Variants in TTYH1 observed in about 807,000 individuals in gnomAD.
TTYH1 encodes the protein protein tweety homolog 1.
TTYH1 carries 33 observed loss-of-function variants against 61.2 expected under a neutral mutation model. The observed-to-expected ratio is 0.54, with a 90% CI of 0.41 to 0.72. The LOEUF is 0.72. Among genes scored for constraint, TTYH1 ranks in the 30% least tolerant of loss-of-function variants. The pLI is 0.00. For missense variants in TTYH1, 538 were observed against 575.8 expected (o/e 0.93, Z 0.67); for synonymous variants, 308 against 266.4 (o/e 1.16, Z -1.52).
rs2083385247 is a variant in TTYH1, at chr19:54,429,227, T to C, written c.735-80T>C. The C allele has an allele frequency of 1.1e-5, 14 of 1,321,564 alleles. No homozygotes were observed. The highest frequency in any genetic ancestry group is 3.7e-4 in the Middle Eastern group (2 of 5,358). 81.9% of individuals were successfully genotyped at this position (1,321,564 alleles called of 1,614,324 possible). A position where few individuals can be genotyped will look rare whatever the true frequency, so the allele number is the denominator to read the frequency against. ...GAGGTGGGTGGAGGTGGGGGGCGGC[T>C]GTGATGGGATTTGGGGTGTGGAAAG... On this transcript the variant is annotated intron_variant, in intron 5 of 13. Coordinates refer to ENST00000376530, the MANE Select transcript of TTYH1 (RefSeq NM_020659.4). The surrounding 1 kb of genome is among the most constrained non-coding windows in gnomAD (Gnocchi z 5.1).
chr19:54,424,150 G>T (rs1242274053), intron 4 of TTYH1, among the ~76,000 whole-genome samples: 1 of 150,704 alleles, frequency 6.6e-6, no homozygotes, highest in African/African-American at 2.4e-5. Context: ...GACGGAGCGA[G>T]AATCCGTCTT....
At position 54,420,272 on chromosome 19, in the gene TTYH1, G is replaced by C. The variant is rs191926575; in HGVS notation, c.305+966G>C. 6.6e-6 allele frequency among the ~76,000 whole-genome samples: 1 copy of C among 150,846 alleles called. No individual in the cohort carries two copies. Among genetic ancestry groups the C allele is most frequent in the African/African-American group, 2.5e-5 (1 of 40,154 alleles). On this transcript the variant is annotated intron_variant, in intron 2 of 13. Transcript: ENST00000376530. This position sits in a 1 kb window ranked among gnomAD's most constrained non-coding sequence, Gnocchi z 4.8. ...CAGACGCCTGCCCCGGACCCACAGC[G>C]GGCAAGGGGAGGGACCTGTAGGGGT...
At chr19:54,427,620 A>ACAACAAC (rs776200949) in intron 5 of TTYH1, among the ~76,000 whole-genome samples, 3 of 147,770 alleles carry the variant, frequency 2.0e-5, no homozygotes, top group African/African-American at 5.0e-5. Context: ...AACAACAACA[A>ACAACAAC]AAAAAAAAAA....
intron 8 of TTYH1, 38 bp downstream of exon 8, chr19:54,430,643 G>A: frequency 7.7e-7 from 1 of 1,304,054 alleles, no homozygotes; most frequent in Non-Finnish European, 1.1e-6. Flanking sequence ...TGTTGAGGGA[G>A]CCAGAAATCT....
At position 54,415,691 on chromosome 19, in the gene TTYH1, G is replaced by T; in HGVS notation, c.126+13G>T. On this transcript the variant is annotated intron_variant, in intron 1 of 13. Transcript: ENST00000376530. This position sits in a 1 kb window ranked among gnomAD's most constrained non-coding sequence, Gnocchi z 5.2. Reference sequence around the variant, plus strand: ...GGAATACCAGCAGGTGGGACCGGGCGCCAGGGCCTGGGGGCCAGGGCTGGG... The same window carrying T: ...GGAATACCAGCAGGTGGGACCGGGCTCCAGGGCCTGGGGGCCAGGGCTGGG... 1 of 1,537,932 alleles carries T rather than the reference G, an allele frequency of 6.5e-7. No homozygotes were observed. Among genetic ancestry groups the T allele is most frequent in the East Asian group, 2.4e-5 (1 of 40,922 alleles).
At position 54,429,904 on chromosome 19, in the gene TTYH1, A is replaced by G. The variant is rs754871648; in HGVS notation, c.830A>G (p.Asn277Ser). The change falls in exon 7 of 14, where the codon AAT (asparagine) becomes AGT (serine). Residue 277 changes from asparagine (N) to serine (S), a missense_variant. Around this residue, in one of 3 missense-constraint regions of TTYH1, gnomAD observed 378 missense variants for 401.2 expected, o/e 0.94. Coordinates refer to ENST00000376530, the MANE Select transcript of TTYH1 (RefSeq NM_020659.4). This position sits in a 1 kb window ranked among gnomAD's most constrained non-coding sequence, Gnocchi z 5.1. ...CAGGGCCTCAGTGACTTCTGCTCCAATCCAGACCCTTATGTTCTGAACCTG... is the reference window on the plus strand; with the variant it reads ...CAGGGCCTCAGTGACTTCTGCTCCAGTCCAGACCCTTATGTTCTGAACCTG... ...TAVGLSDFCS[N>S]PDPYVLNLTQ... 8 of 1,613,980 alleles carry G rather than the reference A, an allele frequency of 5.0e-6. No homozygotes were observed. Among genetic ancestry groups the G allele is most frequent in the South Asian group, 4.4e-5 (4 of 91,090 alleles).
intron 4 of TTYH1, among the ~76,000 whole-genome samples, chr19:54,422,928 C>CAAAAAAAAAAAAAAA (rs573699988): frequency 1.2e-5 from 1 of 85,376 alleles, no homozygotes; most frequent in Non-Finnish European, 2.2e-5. Context: ...GACTCCATCT[C>CAAAAAAAAAAAAAAA]AAAAAAAAAA....
Position 54,419,053 on chromosome 19 carries a change from A to T in TTYH1, c.127-75A>T, listed in dbSNP as rs551650434. On this transcript the variant is annotated intron_variant, in intron 1 of 13. Transcript: ENST00000376530. The surrounding 1 kb of genome is among the most constrained non-coding windows in gnomAD (Gnocchi z 6.1). ...CTGACATCCCAGACCCCGACCCCCC[A>T]GCCACGCAGGAAGGGGGATCTGAGT... 6.9e-7 allele frequency: 1 copy of T among 1,442,574 alleles called. No homozygotes were observed. Among genetic ancestry groups the T allele is most frequent in the African/African-American group, 1.4e-5 (1 of 70,800 alleles). 89.4% of individuals were successfully genotyped at this position (1,442,574 alleles called of 1,614,324 possible). A position where few individuals can be genotyped will look rare whatever the true frequency, so the allele number is the denominator to read the frequency against.
In TTYH1 at chr19:54,435,655, G is replaced by A; in HGVS notation, c.1239G>A (p.Leu413=). ...AGALATALCS[L]PRAWALFPPS... is the part of the protein sequence containing the mutation. ...CGCTGGCCACTGCCCTCTGCAGCCT[G>A]CCCCGAGCCTGGGCCCTCTTCCCAC... Residue 413 remains leucine, a synonymous_variant, in exon 11 of 14, where the codon CTG becomes CTA. Transcript: ENST00000376530. 2 of 1,611,168 alleles carry A rather than the reference G, an allele frequency of 1.2e-6. No individual in the cohort carries two copies. Among genetic ancestry groups the A allele is most frequent in the Non-Finnish European group, 1.7e-6 (2 of 1,178,984 alleles).
Position 54,415,952 on chromosome 19 carries a change from C to A in TTYH1, c.126+274C>A. On this transcript the variant is annotated intron_variant, in intron 1 of 13. Coordinates refer to ENST00000376530, the MANE Select transcript of TTYH1 (RefSeq NM_020659.4). The surrounding 1 kb of genome is among the most constrained non-coding windows in gnomAD (Gnocchi z 5.2). ...GTTCATGGAGAGGAGGGGAGGGGGG[C>A]CCGGATTCCCGGGTGTCTGATACCT... 9.3e-7 allele frequency: 1 copy of A among 1,072,096 alleles called. No homozygotes were observed. The highest frequency in any genetic ancestry group is 1.3e-6 in the Non-Finnish European group (1 of 757,802). 66.4% of individuals were successfully genotyped at this position (1,072,096 alleles called of 1,614,324 possible).
Position 54,435,630 on chromosome 19 carries a change from C to T in TTYH1, c.1214C>T (p.Ala405Val), listed in dbSNP as rs763707314. 9 of 1,612,064 alleles carry T rather than the reference C, an allele frequency of 5.6e-6. No homozygotes were observed. Among genetic ancestry groups the T allele is most frequent in the South Asian group, 4.4e-5 (4 of 90,984 alleles). The change falls in exon 11 of 14, where the codon GCG (alanine) becomes GTG (valine). Residue 405 changes from alanine (A) to valine (V), a missense_variant. Physicochemically the swap from Ala to Val is moderately conservative, Grantham distance 64. Coordinates refer to ENST00000376530, the MANE Select transcript of TTYH1 (RefSeq NM_020659.4). ...CTCTTCTCCCTGCTGTCTGCAGGAGCGCTGGCCACTGCCCTCTGCAGCCTG... is the reference window on the plus strand; with the variant it reads ...CTCTTCTCCCTGCTGTCTGCAGGAGTGCTGGCCACTGCCCTCTGCAGCCTG... Reference protein sequence around the residue: ...LLLFSLLSAGALATALCSLPR... With the variant: ...LLLFSLLSAGVLATALCSLPR...
Position 54,420,943 on chromosome 19 carries a change from A to G in TTYH1, c.306-334A>G, listed in dbSNP as rs1264776482. 3 of 411,600 alleles carry G rather than the reference A, an allele frequency of 7.3e-6. No homozygotes were observed. The highest frequency in any genetic ancestry group is 4.8e-6 in the Non-Finnish European group (1 of 209,318). The allele number at this position is 411,600 out of a possible 1,614,324, so 25.5% of individuals were successfully genotyped here. Reference sequence around the variant, plus strand: ...GGGTGTGGGGCAGGCAGTCCTAGGGAGGGGAAGACGGCCCATCCCGGAGCT... The same window carrying G: ...GGGTGTGGGGCAGGCAGTCCTAGGGGGGGGAAGACGGCCCATCCCGGAGCT... On this transcript the variant is annotated intron_variant, in intron 2 of 13. Coordinates refer to ENST00000376530, the MANE Select transcript of TTYH1 (RefSeq NM_020659.4). The surrounding 1 kb of genome is among the most constrained non-coding windows in gnomAD (Gnocchi z 4.8).
Position 54,436,381 on chromosome 19 carries a change from G to A in TTYH1, c.*91G>A. On this transcript the variant is annotated 3_prime_UTR_variant, in exon 14 of 14. Transcript: ENST00000376530. The surrounding 1 kb of genome is among the most constrained non-coding windows in gnomAD (Gnocchi z 4.3). Reference sequence around the variant, plus strand: ...GACCCCACTAACCCAGCCTGCCTGGGCTCTGACCACTAACACTCTTGGCCA... The same window carrying A: ...GACCCCACTAACCCAGCCTGCCTGGACTCTGACCACTAACACTCTTGGCCA... The A allele has an allele frequency of 6.2e-7, 1 of 1,614,046 alleles. No individual in the cohort carries two copies. Among genetic ancestry groups the A allele is most frequent in the Admixed American group, 1.7e-5 (1 of 60,018 alleles).
chr19:54,416,487 G>T lies in TTYH1; in HGVS notation c.126+809G>T, dbSNP rs559592823. The T allele has an allele frequency of 3.3e-6, 1 of 302,488 alleles. No homozygotes were observed. The highest frequency in any genetic ancestry group is 2.6e-5 in the South Asian group (1 of 38,550). The allele number at this position is 302,488 out of a possible 1,614,324, so 18.7% of individuals were successfully genotyped here. A position where few individuals can be genotyped will look rare whatever the true frequency, so the allele number is the denominator to read the frequency against. ...GACTTCGAGATTAATGAGGAGAAAG[G>T]CTTGGCTGAGCTGGGGACGGGTGGG... On this transcript the variant is annotated intron_variant, in intron 1 of 13. Transcript: ENST00000376530. The surrounding 1 kb of genome is among the most constrained non-coding windows in gnomAD (Gnocchi z 7.0).
Position 54,415,488 on chromosome 19 carries a change from C to A in TTYH1, c.-65C>A. On this transcript the variant is annotated 5_prime_UTR_variant, in exon 1 of 14. Transcript: ENST00000376530. The surrounding 1 kb of genome is among the most constrained non-coding windows in gnomAD (Gnocchi z 5.2). Reference sequence around the variant, plus strand: ...CAGCCAGACCCCGCGCCGCCCGCGCCCCGCTCGACTCCGGAGGCTCCCGCA... The same window carrying A: ...CAGCCAGACCCCGCGCCGCCCGCGCACCGCTCGACTCCGGAGGCTCCCGCA... 7.7e-7 allele frequency: 1 copy of A among 1,297,176 alleles called. No individual in the cohort carries two copies. Among genetic ancestry groups the A allele is most frequent in the South Asian group, 2.3e-5 (1 of 43,830 alleles). 80.4% of individuals were successfully genotyped at this position (1,297,176 alleles called of 1,614,324 possible). A position where few individuals can be genotyped will look rare whatever the true frequency, so the allele number is the denominator to read the frequency against.
chr19:54,431,230 G>A (rs2122937880), intron 10 of TTYH1, 39 bp downstream of exon 10: 1 of 1,492,108 alleles, frequency 6.7e-7, no homozygotes, highest in Non-Finnish European at 9.3e-7. Context: ...TCCCACGGGG[G>A]GCCTCTGTCT....
intron 4 of TTYH1, among the ~76,000 whole-genome samples, chr19:54,422,645 TGGCCAGGCGC>T (rs1470745119): frequency 6.6e-6 from 1 of 152,036 alleles, no homozygotes; most frequent in Non-Finnish European, 1.5e-5. Flanking sequence ...ATGACGAGGC[TGGCCAGGCGC>T]GGTGGCTCAG....
In TTYH1 at chr19:54,422,100, C is replaced by A. The variant is rs1298741975; in HGVS notation, c.418-90C>A. On this transcript the variant is annotated intron_variant, in intron 3 of 13. Transcript: ENST00000376530. ...CAGATCTCAGACACCCGCTACTATG[C>A]ACCCCTCCTTCACTTCTAAAACCCC... is the stretch of plus-strand genomic sequence containing the variant. 4 of 1,039,058 alleles carry A rather than the reference C, an allele frequency of 3.8e-6. No individual in the cohort carries two copies. The Admixed American group carries it at 7.4e-5, about 19-fold the overall frequency. 64.4% of individuals were successfully genotyped at this position (1,039,058 alleles called of 1,614,324 possible).
intron 4 of TTYH1, among the ~76,000 whole-genome samples, chr19:54,423,901 G>A (rs1227877300): frequency 1.3e-5 from 2 of 152,148 alleles, no homozygotes; most frequent in East Asian, 1.9e-4. Context: ...GGTGGTTCAC[G>A]CCTGTAATCC....
Sources: gnomAD v4.1 joint callset for allele counts (sites outside exome capture counted in the v4.1 genomes callset) on GRCh38, gnomAD v4.1.1 for gene constraint, gnomAD v4.1.1 regional missense constraint, Gnocchi (gnomAD v3.1) non-coding constraint, MANE v1.5 for transcripts, NCBI Gene and HGNC (gene_info 2026-07-23, HGNC 2026-07-21) for gene names.